Variants in SLC36A1 observed in about 807,000 individuals in gnomAD.
SLC36A1 encodes solute carrier family 36 member 1.
In SLC36A1, 30 loss-of-function variants were observed where a neutral mutation model predicts 47.5. The observed-to-expected ratio is 0.63, with a 90% confidence interval of 0.47 to 0.86. The LOEUF (loss-of-function observed/expected upper bound fraction) is 0.86, where lower values mean the gene tolerates loss of function less well. Ranked by LOEUF, SLC36A1 falls within the 40% of genes least tolerant of loss-of-function variation. The probability of loss-of-function intolerance (pLI) is 0.00; values close to 1 mark genes in which losing one functional copy is unlikely to be tolerated. For missense variants in SLC36A1, 517 were observed against 606.0 expected (o/e 0.85, Z 1.54); for synonymous variants, 255 against 249.7 (o/e 1.02, Z -0.20).
At chr5:151,533,393 AACACACACACACACACAC>A in the SLC36A1 span, among the ~76,000 whole-genome samples, 10,407 of 132,162 alleles carry the variant, frequency 0.079, 902 homozygotes, top group African/African-American at 0.23. Flanking sequence ...TGTTATCTCC[AACACACACACACACACAC>A]ACACACACAC....
the SLC36A1 span, among the ~76,000 whole-genome samples, chr5:151,542,005 T>C: frequency 6.6e-6 from 1 of 152,244 alleles, no homozygotes; most frequent in Non-Finnish European, 1.5e-5. Context: ...AGTTAGAGTA[T>C]GACTCATGTA....
the SLC36A1 span, among the ~76,000 whole-genome samples, chr5:151,403,505 CGT>C: frequency 1.3e-5 from 2 of 152,168 alleles, no homozygotes; most frequent in Non-Finnish European, 2.9e-5. Context: ...GTGCTCTTTC[CGT>C]GTGACCTGCC....
chr5:151,367,374 T>TTTTTTTTTCCC, the SLC36A1 span, among the ~76,000 whole-genome samples: 1 of 145,532 alleles, frequency 6.9e-6, no homozygotes, highest in African/African-American at 2.6e-5. Flanking sequence ...TTTTTTTTTT[T>TTTTTTTTTCCC]CCCCAGGGTA....
At chr5:151,423,961 G>A in the SLC36A1 span, among the ~76,000 whole-genome samples, 1 of 140,082 alleles carries the variant, frequency 7.1e-6, no homozygotes, top group Non-Finnish European at 1.5e-5. Flanking sequence ...GAAAAAATAC[G>A]ATCTATTAAA....
At chr5:151,466,275 C>T (rs1756364235) in intron 5 of SLC36A1, among the ~76,000 whole-genome samples, 2 of 152,136 alleles carry the variant, frequency 1.3e-5, no homozygotes, top group African/African-American at 4.8e-5. Context: ...CAAGATAGGA[C>T]ATAAAGTAAA....
the SLC36A1 span, among the ~76,000 whole-genome samples, chr5:151,520,451 C>A: frequency 6.6e-6 from 1 of 152,156 alleles, no homozygotes; most frequent in Non-Finnish European, 1.5e-5. Flanking sequence ...GGGCTAATGA[C>A]CCTGCTTGGT....
At chr5:151,375,751 C>G in the SLC36A1 span, among the ~76,000 whole-genome samples, 1 of 152,004 alleles carries the variant, frequency 6.6e-6, no homozygotes, top group African/African-American at 2.4e-5. Context: ...TTTTTTGTAG[C>G]TAATGTAAAT....
chr5:151,534,750 C>A, the SLC36A1 span: 1 of 917,458 alleles, frequency 1.1e-6, no homozygotes, highest in Admixed American at 2.2e-5. Flanking sequence ...GAGTTTTGTT[C>A]ACAGCAAGGA....
the SLC36A1 span, among the ~76,000 whole-genome samples, chr5:151,345,046 CT>C: frequency 6.6e-6 from 1 of 152,154 alleles, no homozygotes; most frequent in Admixed American, 6.6e-5. Flanking sequence ...CAGACCCTTC[CT>C]TTAAGACAAA....
the SLC36A1 span, among the ~76,000 whole-genome samples, chr5:151,418,530 G>T: frequency 6.6e-6 from 1 of 152,186 alleles, no homozygotes; most frequent in Non-Finnish European, 1.5e-5. Context: ...AGGTTTGACT[G>T]CCCAGATGGA....
the SLC36A1 span, among the ~76,000 whole-genome samples, chr5:151,385,429 T>C: frequency 6.6e-6 from 1 of 152,188 alleles, no homozygotes; most frequent in Non-Finnish European, 1.5e-5. Flanking sequence ...TCCTAGGAAT[T>C]TCCAAGGGGA....
the SLC36A1 span, among the ~76,000 whole-genome samples, chr5:151,410,006 A>G: frequency 6.6e-6 from 1 of 152,252 alleles, no homozygotes; most frequent in Non-Finnish European, 1.5e-5. Context: ...TAAGCCCTTT[A>G]CATGAATAAA....
At chr5:151,348,036 A>G in the SLC36A1 span, among the ~76,000 whole-genome samples, 2,601 of 152,234 alleles carry the variant, frequency 0.017, 65 homozygotes, top group African/African-American at 0.059. Context: ...AGAGGTTTCC[A>G]TGTCTCACTG....
In SLC36A1 at chr5:151,463,605, C is replaced by T. The variant is rs1263447144; in HGVS notation, c.196C>T (p.Leu66=). ...AAAAGGCAACATTGGCACAGGACTC[C>T]TGGGACTCCCTCTGGCGGTGAAAAA... ...LLKGNIGTGL[L]GLPLAVKNAG... is the part of the protein sequence containing the mutation. The change falls in exon 3 of 11, where the codon CTG becomes TTG. Residue 66 remains leucine, a synonymous_variant. Coordinates refer to ENST00000243389, the MANE Select transcript of SLC36A1 (RefSeq NM_078483.4). 1 of 1,614,070 alleles carries T rather than the reference C, an allele frequency of 6.2e-7. No homozygotes were observed. Among genetic ancestry groups the T allele is most frequent in the Admixed American group, 1.7e-5 (1 of 60,008 alleles).
the SLC36A1 span, chr5:151,505,370 C>CTCTA: frequency 1.5e-6 from 1 of 657,926 alleles, no homozygotes; most frequent in Non-Finnish European, 2.6e-6. Flanking sequence ...GTTTCTGGAG[C>CTCTA]TCTATCCTCA....
the SLC36A1 span, among the ~76,000 whole-genome samples, chr5:151,396,035 C>T: frequency 6.6e-6 from 1 of 152,058 alleles, no homozygotes; most frequent in African/African-American, 2.4e-5. Context: ...GTCTCGTACT[C>T]CTGACCTCAA....
upstream of SLC36A1, among the ~76,000 whole-genome samples, chr5:151,445,421 G>A (rs570420522): frequency 1.1e-4 from 16 of 152,260 alleles, no homozygotes; most frequent in African/African-American, 3.6e-4. Context: ...GTGCATTAGC[G>A]AAATCAGCCT....
the SLC36A1 span, among the ~76,000 whole-genome samples, chr5:151,393,785 T>C: frequency 1.3e-5 from 2 of 152,202 alleles, no homozygotes; most frequent in South Asian, 2.1e-4. Flanking sequence ...GTTAGTCTGA[T>C]GGGCTTCCCT....
At chr5:151,512,139 G>A in the SLC36A1 span, 2 of 1,598,698 alleles carry the variant, frequency 1.3e-6, no homozygotes, top group South Asian at 1.1e-5. The surrounding 1 kb of genome is among the most constrained non-coding windows in gnomAD (Gnocchi z 4.1). Context: ...TAAACCCTGG[G>A]TTCAGCCTGG....
Sources: gnomAD v4.1 joint callset for allele counts (sites outside exome capture counted in the v4.1 genomes callset) on GRCh38, gnomAD v4.1.1 for gene constraint, Gnocchi (gnomAD v3.1) non-coding constraint, MANE v1.5 for transcripts, NCBI Gene and HGNC (gene_info 2026-07-23, HGNC 2026-07-21) for gene names.